Variants in OR56A3 observed in about 807,000 individuals in gnomAD.
OR56A3 encodes olfactory receptor 56A3.
A neutral mutation model predicts 17.5 loss-of-function variants in OR56A3; 23 were observed. That is an observed-to-expected ratio of 1.32 (90% confidence interval 0.95 to 1.87). OR56A3 has a LOEUF of 1.87. Ranked by LOEUF, OR56A3 falls within the 40% of genes most tolerant of loss-of-function variation. OR56A3 has a pLI of 0.00. For missense variants in OR56A3, 366 were observed against 380.1 expected (o/e 0.96, Z 0.31); for synonymous variants, 175 against 150.6 (o/e 1.16, Z -1.19).
chr11:5,983,692 C>T, the OR56A3 span, among the ~76,000 whole-genome samples: 25 of 152,304 alleles, frequency 1.6e-4, no homozygotes, highest in Non-Finnish European at 2.6e-4. Flanking sequence ...CTCTTCTCTC[C>T]GGTTTCTTCT....
At position 5,948,221 on chromosome 11, in the gene OR56A3, AC is replaced by A. The variant is rs1564800085; in HGVS notation, c.879del (p.Ile294SerfsTer5). ...CACCATGTCATTCCTGCAGCCCTTA[AC>A]CCCATCATTTACGGGGTGAGAACCC... is the stretch of plus-strand genomic sequence containing the variant. ...VLHHVIPAAL[N>X]PIIYGVRTQE... On this transcript the variant is annotated frameshift_variant, in exon 3 of 3. Coordinates refer to ENST00000641160, the MANE Select transcript of OR56A3 (RefSeq NM_001003443.3). LOFTEE classifies it high-confidence loss of function. 1 of 1,614,162 alleles carries A rather than the reference AC, an allele frequency of 6.2e-7. No individual in the cohort carries two copies. The highest frequency in any genetic ancestry group is 8.5e-7 in the Non-Finnish European group (1 of 1,180,010).
At chr11:5,999,926 A>T in the OR56A3 span, 10 of 152,226 alleles carry the variant, frequency 6.6e-5, no homozygotes, top group African/African-American at 2.4e-4. Flanking sequence ...CTACTGTGGG[A>T]GATGGCATTT....
the OR56A3 span, chr11:5,994,086 G>A: frequency 0.033 from 16,017 of 483,390 alleles, 447 homozygotes; most frequent in African/African-American, 0.1. Context: ...CTTCCTACTC[G>A]TGGGCCTGGT....
At chr11:5,984,725 T>G in the OR56A3 span, among the ~76,000 whole-genome samples, 1 of 152,132 alleles carries the variant, frequency 6.6e-6, no homozygotes, top group Non-Finnish European at 1.5e-5. Flanking sequence ...ATACTAAGCC[T>G]CTCAGACAGA....
At chr11:5,943,542 T>C (rs184433794) in intron 1 of OR56A3, 142 of 150,550 alleles carry the variant, frequency 9.4e-4, no homozygotes, top group African/African-American at 3.2e-3. Flanking sequence ...ACCACCTTAT[T>C]TGCTTCAGGT....
At chr11:5,967,482 C>G in the OR56A3 span, 1 of 1,112,640 alleles carries the variant, frequency 9.0e-7, no homozygotes, top group Non-Finnish European at 1.3e-6. Flanking sequence ...TTTAAATTTT[C>G]TATGCATCAT....
chr11:5,993,405 C>A, the OR56A3 span, among the ~76,000 whole-genome samples: 1,196 of 152,310 alleles, frequency 7.9e-3, 15 homozygotes, highest in African/African-American at 0.027. Flanking sequence ...AAAGATGATA[C>A]TCTTTCTTTA....
the OR56A3 span, among the ~76,000 whole-genome samples, chr11:5,975,495 A>G: frequency 1.3e-5 from 2 of 151,516 alleles, no homozygotes; most frequent in African/African-American, 4.9e-5. Flanking sequence ...GCTGAGAATG[A>G]TGGTTTCCAG....
At chr11:5,995,269 T>C in the OR56A3 span, among the ~76,000 whole-genome samples, 1 of 152,236 alleles carries the variant, frequency 6.6e-6, no homozygotes, top group African/African-American at 2.4e-5. Context: ...TTATTCATTC[T>C]TTTTGCACTA....
At chr11:6,000,695 G>A in the OR56A3 span, 1 of 152,198 alleles carries the variant, frequency 6.6e-6, no homozygotes, top group Non-Finnish European at 1.5e-5. Context: ...GCTGATGTGA[G>A]AAGCATCAAA....
chr11:5,968,354 G>A, the OR56A3 span: 13 of 1,613,764 alleles, frequency 8.1e-6, no homozygotes, highest in South Asian at 2.2e-5. Context: ...TGATCAGAAG[G>A]GTGGCATTGG....
the OR56A3 span, among the ~76,000 whole-genome samples, chr11:5,963,470 TG>T: frequency 1.3e-5 from 2 of 152,086 alleles, no homozygotes; most frequent in African/African-American, 4.8e-5. Context: ...GCAGATTTTT[TG>T]GTGTTTTTTT....
the OR56A3 span, among the ~76,000 whole-genome samples, chr11:5,976,355 A>C: frequency 6.6e-6 from 1 of 152,188 alleles, no homozygotes; most frequent in Admixed American, 6.5e-5. Context: ...AGATGAAGAG[A>C]AAGGGAAAAT....
At chr11:5,964,471 C>CT in the OR56A3 span, among the ~76,000 whole-genome samples, 2 of 152,182 alleles carry the variant, frequency 1.3e-5, no homozygotes, top group Admixed American at 1.3e-4. Context: ...TGGGGGTACT[C>CT]TAAGCCTATG....
At chr11:5,989,032 T>A in the OR56A3 span, among the ~76,000 whole-genome samples, 1 of 152,244 alleles carries the variant, frequency 6.6e-6, no homozygotes, top group Non-Finnish European at 1.5e-5. Flanking sequence ...CATATTGCCC[T>A]AAAACTCTGA....
the OR56A3 span, among the ~76,000 whole-genome samples, chr11:5,970,607 A>AT: frequency 4.4e-3 from 660 of 151,594 alleles, 1 homozygote; most frequent in Non-Finnish European, 6.0e-3. Context: ...TAATGCATAG[A>AT]TTTTTTTTTA....
chr11:5,945,421 A>G (rs981074086), intron 2 of OR56A3, among the ~76,000 whole-genome samples: 8 of 151,946 alleles, frequency 5.3e-5, no homozygotes, highest in Non-Finnish European at 1.0e-4. Flanking sequence ...ACAACCACAA[A>G]AACAAACAAA....
At chr11:6,020,398 G>A in the OR56A3 span, 1 of 152,146 alleles carries the variant, frequency 6.6e-6, no homozygotes, top group East Asian at 1.9e-4. Context: ...TTGCTTTTGG[G>A]CAGTGTAGTG....
At chr11:5,993,870 T>C in the OR56A3 span, 2 of 499,514 alleles carry the variant, frequency 4.0e-6, no homozygotes, top group Non-Finnish European at 7.2e-6. Context: ...CTGCCTCTGC[T>C]GGCTTAATGT....
Sources: allele counts gnomAD v4.1 joint callset (sites outside exome capture counted in the v4.1 genomes callset), GRCh38; gene constraint gnomAD v4.1.1; transcripts MANE v1.5; gene names NCBI Gene and HGNC (gene_info 2026-07-23, HGNC 2026-07-21).